Variants in ELAPOR2 observed in about 807,000 individuals in gnomAD.
The protein encoded by ELAPOR2 is endosome/lysosome-associated apoptosis and autophagy regulator family member 2.
In ELAPOR2, 89 loss-of-function variants were observed where a neutral mutation model predicts 120.7. That is an observed-to-expected ratio of 0.74 (90% CI 0.62 to 0.88). ELAPOR2 has a LOEUF of 0.88. Among genes scored for constraint, ELAPOR2 ranks in the 40% least tolerant of loss-of-function variants. The pLI is 0.00. For missense variants in ELAPOR2, 1,134 were observed against 1,251.6 expected, an observed-to-expected ratio of 0.91 and a Z score of 1.42; for synonymous variants, 444 against 444.9, an observed-to-expected ratio of 1.00 and a Z score of 0.03.
At chr7:86,976,186 C>A (rs1455665163) in intron 1 of ELAPOR2, among the ~76,000 whole-genome samples, 1 of 152,156 alleles carries the variant, frequency 6.6e-6, no homozygotes, top group Non-Finnish European at 1.5e-5. Context: ...AGAACAGGGA[C>A]TTCAGCTGTG....
intron 1 of ELAPOR2, among the ~76,000 whole-genome samples, chr7:86,987,319 C>T (rs1202014128): frequency 3.9e-5 from 6 of 152,096 alleles, no homozygotes; most frequent in Admixed American, 6.6e-5. Flanking sequence ...CCAAAAGCAA[C>T]AGCAACAAAA....
chr7:86,895,535 C>G (rs1475933168), intron 19 of ELAPOR2, among the ~76,000 whole-genome samples: 1 of 151,972 alleles, frequency 6.6e-6, no homozygotes, highest in East Asian at 1.9e-4. Context: ...TTCAACATGT[C>G]AAGCACATCA....
At chr7:87,021,436 A>G (rs1292543911) in intron 1 of ELAPOR2, among the ~76,000 whole-genome samples, 1 of 152,152 alleles carries the variant, frequency 6.6e-6, no homozygotes, top group South Asian at 2.1e-4. Flanking sequence ...ATATACTGCC[A>G]TATCAACACA....
chr7:86,932,146 A>G lies in ELAPOR2; in HGVS notation c.1090-5230T>C, dbSNP rs574093013. On this transcript the variant is annotated intron_variant, in intron 8 of 21. Transcript: ENST00000450689. The stretch of plus-strand genomic sequence containing the variant: ...AGCTTCAGTCAGTGTTTGTAGTATC[A>G]AGAGCTGTGAGGATACTAGTGGCTT... 2.6e-5 allele frequency among the ~76,000 whole-genome samples: 4 copies of G among 152,076 alleles called. No homozygotes were observed. In the South Asian group the frequency reaches 8.3e-4, roughly 31 times the overall value.
chr7:86,982,953 A>C (rs1426262636), intron 1 of ELAPOR2, among the ~76,000 whole-genome samples: 1 of 152,196 alleles, frequency 6.6e-6, no homozygotes, highest in Non-Finnish European at 1.5e-5. Flanking sequence ...AGATTAGATG[A>C]ATGGCGAACT....
rs751578906 is a variant in ELAPOR2 at position 86,912,965 on chromosome 7, G to A, written c.1971C>T (p.Cys657=). ...CCTGATTGTTTTTACTCCCAGGCCC[G>A]CATGGAATACAAGCCTCTTTGCCAT... ...QVYGKEACIP[C]GPGSKNNQDH... The change falls in exon 14 of 22, where the codon TGC becomes TGT. Residue 657 remains cysteine (C), a synonymous_variant. Coordinates refer to ENST00000450689, the MANE Select transcript of ELAPOR2 (RefSeq NM_001142749.3). The A allele has an allele frequency of 3.7e-5, 60 of 1,613,968 alleles. No individual in the cohort carries two copies. The highest frequency in any genetic ancestry group is 1.7e-4 in the Middle Eastern group (1 of 6,058).
chr7:86,900,656 G>A (rs990721650), intron 18 of ELAPOR2, among the ~76,000 whole-genome samples: 3 of 152,134 alleles, frequency 2.0e-5, no homozygotes, highest in African/African-American at 4.8e-5. Context: ...ACTCAAAATA[G>A]TTTACCTTAG....
At chr7:86,933,736 T>C (rs574261673) in intron 8 of ELAPOR2, among the ~76,000 whole-genome samples, 3 of 152,104 alleles carry the variant, frequency 2.0e-5, no homozygotes, top group Admixed American at 6.6e-5. Context: ...CCCTCACTAA[T>C]AGAGAAATTG....
Position 86,925,652 on chromosome 7 carries a change from A to G in ELAPOR2, c.1275T>C (p.Cys425=), listed in dbSNP as rs772705181. Residue 425 remains cysteine (C), a synonymous_variant, in exon 10 of 22, where the codon TGT becomes TGC. Coordinates refer to ENST00000450689, the MANE Select transcript of ELAPOR2 (RefSeq NM_001142749.3). ...GCTCCGTTCCTGCTGGACATGGTCT[A>G]CATTCTACAGGAGACAAGTAGGGTC... ...PGTFSDGTKE[C]RPCPAGTEPA... The G allele has an allele frequency of 1.2e-5, 20 of 1,611,460 alleles. No homozygotes were observed. In the African/African-American group the frequency reaches 1.5e-4, roughly 12 times the overall value.
chr7:86,902,743 T>C (rs1206280793), intron 18 of ELAPOR2, among the ~76,000 whole-genome samples: 10 of 152,152 alleles, frequency 6.6e-5, no homozygotes, highest in Non-Finnish European at 1.2e-4. Flanking sequence ...CTGGCCCCTC[T>C]TATTCCTGGG....
intron 1 of ELAPOR2, among the ~76,000 whole-genome samples, chr7:86,986,806 A>G (rs1345433310): frequency 6.6e-6 from 1 of 151,316 alleles, no homozygotes; most frequent in South Asian, 2.1e-4. Flanking sequence ...CATCTCTATC[A>G]AGCTACCAAT....
intron 1 of ELAPOR2, among the ~76,000 whole-genome samples, chr7:86,996,859 T>C (rs1793141930): frequency 6.6e-6 from 1 of 152,214 alleles, no homozygotes; most frequent in Non-Finnish European, 1.5e-5. Context: ...TTATCCTAGA[T>C]ACATTCTGAA....
intron 21 of ELAPOR2, among the ~76,000 whole-genome samples, chr7:86,887,577 C>T (rs1799752019): frequency 6.6e-6 from 1 of 152,180 alleles, no homozygotes; most frequent in Admixed American, 6.6e-5. Flanking sequence ...GCTTTAAAGA[C>T]CATTTGCTGT....
At chr7:86,962,914 A>G (rs935052186) in intron 2 of ELAPOR2, among the ~76,000 whole-genome samples, 1 of 152,148 alleles carries the variant, frequency 6.6e-6, no homozygotes. Context: ...AAAGTTATGA[A>G]CTGTGCTTCT....
In ELAPOR2 at chr7:87,059,590, C is replaced by G; in HGVS notation, c.-77G>C. 8.9e-7 allele frequency: 1 copy of G among 1,126,758 alleles called. No individual in the cohort carries two copies. The highest frequency in any genetic ancestry group is 4.9e-5 in the East Asian group (1 of 20,538). 69.8% of individuals were successfully genotyped at this position (1,126,758 alleles called of 1,614,324 possible). On this transcript the variant is annotated 5_prime_UTR_variant, in exon 1 of 22. Transcript: ENST00000450689. ...GCGGCGGCAGCTCCGGCTCCCGGGC[C>G]GCGACTGCTGTGCGCTCGTCTCGCC...
At chr7:86,885,173 C>T (rs1229591393) in intron 21 of ELAPOR2, among the ~76,000 whole-genome samples, 1 of 152,120 alleles carries the variant, frequency 6.6e-6, no homozygotes, top group Non-Finnish European at 1.5e-5. Context: ...TTAACAATAG[C>T]AAGAAATACT....
chr7:87,001,083 A>C (rs1264956426), intron 1 of ELAPOR2, among the ~76,000 whole-genome samples: 1 of 152,160 alleles, frequency 6.6e-6, no homozygotes, highest in African/African-American at 2.4e-5. Context: ...CCATCCTAAC[A>C]TAAAGGAAAC....
At chr7:87,013,485 G>T (rs767562764) in intron 1 of ELAPOR2, among the ~76,000 whole-genome samples, 1 of 152,148 alleles carries the variant, frequency 6.6e-6, no homozygotes, top group Admixed American at 6.5e-5. Context: ...TGAGACAGCA[G>T]ATTAGGCAAG....
intron 8 of ELAPOR2, among the ~76,000 whole-genome samples, chr7:86,932,139 T>C (rs1452612702): frequency 6.6e-6 from 1 of 151,944 alleles, no homozygotes; most frequent in Non-Finnish European, 1.5e-5. Context: ...TCAGTGTTTG[T>C]AGTATCAAGA....
Sources: allele counts gnomAD v4.1 joint callset (sites outside exome capture counted in the v4.1 genomes callset), GRCh38; gene constraint gnomAD v4.1.1; transcripts MANE v1.5; gene names NCBI Gene and HGNC (gene_info 2026-07-23, HGNC 2026-07-21).